The following PIK3CD variants were observed in gnomAD, a reference collection of about 807,000 sequenced individuals.
PIK3CD encodes the protein phosphatidylinositol 4,5-bisphosphate 3-kinase catalytic subunit delta isoform.
PIK3CD carries 20 observed loss-of-function variants against 122.9 expected under a neutral mutation model. That is an observed-to-expected ratio of 0.16 (90% CI 0.11 to 0.24). The LOEUF is 0.24. Ranked by LOEUF, PIK3CD falls within the 10% of genes least tolerant of loss-of-function variation. The probability of loss-of-function intolerance (pLI) is 1.00; values close to 1 mark genes in which losing one functional copy is unlikely to be tolerated. For synonymous variants in PIK3CD, 596 were observed against 593.4 expected (o/e 1.00, Z -0.06); for missense variants, 787 against 1,406.3 (o/e 0.56, Z 7.04).
chr1:9,638,324 G>T, the PIK3CD span, among the ~76,000 whole-genome samples: 3 of 151,896 alleles, frequency 2.0e-5, no homozygotes, highest in Non-Finnish European at 4.4e-5. Flanking sequence ...AAAATTACCT[G>T]AGAGCCGTTA....
chr1:9,722,378 A>G lies in PIK3CD; in HGVS notation c.2347+22A>G. The G allele has an allele frequency of 6.3e-7, 1 of 1,576,230 alleles. No homozygotes were observed. The highest frequency in any genetic ancestry group is 8.7e-7 in the Non-Finnish European group (1 of 1,155,142). On this transcript the variant is annotated intron_variant, in intron 18 of 23. Coordinates refer to ENST00000377346, the MANE Select transcript of PIK3CD (RefSeq NM_005026.5). This position sits in a 1 kb window ranked among gnomAD's most constrained non-coding sequence, Gnocchi z 7.6. ...GATGGTGAGGGCCTGGCCTCCCCAC[A>G]CCCCGCCTGTACTGCCCTGGGGGGT...
intron 2 of PIK3CD, among the ~76,000 whole-genome samples, chr1:9,703,821 A>T (rs1375589052): frequency 1.3e-5 from 2 of 151,474 alleles, no homozygotes; most frequent in Non-Finnish European, 2.9e-5. Flanking sequence ...TGCCATAGAC[A>T]CTCTTGCCCG....
chr1:9,637,624 G>A, the PIK3CD span, among the ~76,000 whole-genome samples: 140 of 152,218 alleles, frequency 9.2e-4, no homozygotes, highest in Non-Finnish European at 9.9e-4. Flanking sequence ...AGGCTGTAGG[G>A]AAGGATCCTT....
chr1:9,725,667 A>G (rs984579823), intron 23 of PIK3CD, among the ~76,000 whole-genome samples: 1 of 151,858 alleles, frequency 6.6e-6, no homozygotes, highest in African/African-American at 2.4e-5. Flanking sequence ...TCACGAGGTC[A>G]GGAGTTCGAG....
intron 3 of PIK3CD, among the ~76,000 whole-genome samples, chr1:9,711,250 C>T (rs1180655168): frequency 6.6e-6 from 1 of 151,746 alleles, no homozygotes; most frequent in African/African-American, 2.4e-5. Flanking sequence ...TGCACCACCA[C>T]ACCTGGCTAA....
intron 2 of PIK3CD, among the ~76,000 whole-genome samples, chr1:9,694,972 A>AAGAGAGAG (rs113822530): frequency 1.3e-5 from 2 of 150,752 alleles, no homozygotes; most frequent in African/African-American, 4.9e-5. Flanking sequence ...AAAAACAAAA[A>AAGAGAGAG]AGAGAGAGAG....
intron 1 of PIK3CD, chr1:9,662,372 G>A (rs376145707): frequency 2.6e-4 from 44 of 171,626 alleles, no homozygotes; most frequent in Middle Eastern, 3.1e-3. Context: ...GAATGCCAGC[G>A]TGGACAGTCG....
chr1:9,699,515 G>GA (rs1262794084), intron 2 of PIK3CD, among the ~76,000 whole-genome samples: 2 of 151,994 alleles, frequency 1.3e-5, no homozygotes, highest in Non-Finnish European at 2.9e-5. Flanking sequence ...TGCAGGGTCA[G>GA]ACTCACCGTC....
chr1:9,646,198 T>C, the PIK3CD span, among the ~76,000 whole-genome samples: 1 of 152,192 alleles, frequency 6.6e-6, no homozygotes, highest in African/African-American at 2.4e-5. Flanking sequence ...GACTCAACTT[T>C]CCTGAGCCTC....
intron 6 of PIK3CD, 134 bp downstream of exon 6, chr1:9,716,753 C>A: frequency 8.5e-7 from 1 of 1,178,600 alleles, no homozygotes; most frequent in South Asian, 1.3e-5. Flanking sequence ...CCAGAGCATC[C>A]CCTGGTAGGG....
At chr1:9,697,552 A>C (rs1646466570) in intron 2 of PIK3CD, among the ~76,000 whole-genome samples, 1 of 150,608 alleles carries the variant, frequency 6.6e-6, no homozygotes, top group South Asian at 2.1e-4. Flanking sequence ...GTATTTCATT[A>C]TTATTTAAAA....
In PIK3CD at chr1:9,715,715, G is replaced by A. The variant is rs1647298126; in HGVS notation, c.316G>A (p.Gly106Ser). 6.2e-7 allele frequency: 1 copy of A among 1,613,442 alleles called. No homozygotes were observed. The highest frequency in any genetic ancestry group is 1.3e-5 in the African/African-American group (1 of 74,948). ...CGTCCTGCGCCTGGTGGCCCGTGAG[G>A]GCGACCGCGTGAAGAAGCTCATCAA... ...LPVLRLVARE[G>S]DRVKKLINSQ... The change falls in exon 4 of 24, where the codon GGC (glycine) becomes AGC (serine). Residue 106 changes from glycine (G) to serine (S), a missense_variant. This residue lies in a region of PIK3CD where 592 missense variants were observed against 920.6 expected (regional missense o/e 0.64). Coordinates refer to ENST00000377346, the MANE Select transcript of PIK3CD (RefSeq NM_005026.5). This position sits in a 1 kb window ranked among gnomAD's most constrained non-coding sequence, Gnocchi z 4.1.
At chr1:9,711,927 C>G in intron 3 of PIK3CD, among the ~76,000 whole-genome samples, 1 of 152,006 alleles carries the variant, frequency 6.6e-6, no homozygotes, top group South Asian at 2.1e-4. Context: ...GATGGAGTCC[C>G]GCTCTGTCGC....
intron 13 of PIK3CD, 35 bp from the exon 14 acceptor site, chr1:9,721,092 C>A: frequency 6.3e-7 from 1 of 1,584,382 alleles, no homozygotes; most frequent in Non-Finnish European, 8.6e-7. Context: ...ACCCTGACCC[C>A]GGCCGCCCCC....
At chr1:9,677,164 C>T (rs951187741) in intron 1 of PIK3CD, among the ~76,000 whole-genome samples, 1 of 152,124 alleles carries the variant, frequency 6.6e-6, no homozygotes, top group Non-Finnish European at 1.5e-5. Flanking sequence ...GGCAGAGAGC[C>T]AGCTGCAGAT....
chr1:9,656,067 G>A (rs57784284), intron 1 of PIK3CD, among the ~76,000 whole-genome samples: 45,548 of 151,790 alleles, frequency 0.3, 8,315 homozygotes, highest in East Asian at 0.65. Context: ...GTGGTATTTC[G>A]GTTGGCTTCT....
At chr1:9,687,589 G>A (rs1414791237) in intron 1 of PIK3CD, 1 of 152,072 alleles carries the variant, frequency 6.6e-6, no homozygotes, top group African/African-American at 2.4e-5. Flanking sequence ...AGGGCGTGGG[G>A]GCGGGGCCGG....
chr1:9,670,632 A>T (rs1017751127), intron 1 of PIK3CD, among the ~76,000 whole-genome samples: 4 of 152,302 alleles, frequency 2.6e-5, no homozygotes, highest in South Asian at 4.1e-4. Flanking sequence ...GAGATGTCGT[A>T]AAGATTGGAA....
rs934807091 is a variant in PIK3CD at position 9,723,859 on chromosome 1, T to G, written c.2595-110T>G. 1.0e-6 allele frequency: 1 copy of G among 992,274 alleles called. No homozygotes were observed. Among genetic ancestry groups the G allele is most frequent in the African/African-American group, 1.6e-5 (1 of 62,500 alleles). The allele number at this position is 992,274 out of a possible 1,614,324, so 61.5% of individuals were successfully genotyped here. ...CATTGTGTCCTCCATGTTCTGTTGGTCAAAGCAAGTCACAGGGCCAGATTC... is the reference window on the plus strand; with the variant it reads ...CATTGTGTCCTCCATGTTCTGTTGGGCAAAGCAAGTCACAGGGCCAGATTC... On this transcript the variant is annotated intron_variant, in intron 20 of 23. Transcript: ENST00000377346. This position sits in a 1 kb window ranked among gnomAD's most constrained non-coding sequence, Gnocchi z 4.9.
Sources: gnomAD v4.1 joint callset for allele counts (sites outside exome capture counted in the v4.1 genomes callset) on GRCh38, gnomAD v4.1.1 for gene constraint, gnomAD v4.1.1 regional missense constraint, Gnocchi (gnomAD v3.1) non-coding constraint, MANE v1.5 for transcripts, NCBI Gene and HGNC (gene_info 2026-07-23, HGNC 2026-07-21) for gene names.